The following STXBP6 variants were observed in gnomAD, a reference collection of about 807,000 sequenced individuals.
The protein encoded by STXBP6 is syntaxin-binding protein 6.
In STXBP6, 21 loss-of-function variants were observed where a neutral mutation model predicts 26.9. The ratio of observed to expected loss-of-function variants is 0.78; its 90% CI spans 0.55 to 1.12. The LOEUF (loss-of-function observed/expected upper bound fraction) is 1.12. Ranked by LOEUF, STXBP6 falls within the 50% of genes most tolerant of loss-of-function variation. The pLI, the probability that STXBP6 is intolerant of heterozygous loss-of-function variation, is 0.00. For synonymous variants in STXBP6, 97 were observed against 92.6 expected (o/e 1.05, Z -0.27); for missense variants, 232 against 257.9 (o/e 0.90, Z 0.69).
intron 1 of STXBP6, among the ~76,000 whole-genome samples, chr14:25,002,037 A>G (rs1226691248): frequency 6.6e-6 from 1 of 152,230 alleles, no homozygotes; most frequent in Non-Finnish European, 1.5e-5. Flanking sequence ...TTAAGCCACT[A>G]TGAAATATGG....
intron 2 of STXBP6, among the ~76,000 whole-genome samples, chr14:24,957,281 G>A (rs1291459045): frequency 6.6e-6 from 1 of 152,194 alleles, no homozygotes; most frequent in Non-Finnish European, 1.5e-5. Context: ...ACACTTGTAA[G>A]CATCTAGCCT....
At chr14:24,851,413 G>C (rs2069151253) in intron 4 of STXBP6, among the ~76,000 whole-genome samples, 1 of 131,866 alleles carries the variant, frequency 7.6e-6, no homozygotes, top group African/African-American at 2.9e-5. Context: ...ACAGGCCCCG[G>C]TGTGTGATGT....
chr14:24,819,194 C>T lies in STXBP6; in HGVS notation c.452G>A (p.Gly151Glu), dbSNP rs538120087. The part of the protein sequence containing the change: ...FINCQSKIMG[G>E]NSILHSAADS... ...AGCAGCTGAATGGAGGATGCTGTTT[C>T]CTGAAAGGAGGAGAGCAGGAGCATC... is the stretch of plus-strand genomic sequence containing the variant. The change falls in exon 5 of 6, where the codon GGA (glycine) becomes GAA (glutamate). Residue 151 changes from glycine to glutamate, a missense_variant and splice_region_variant. By Grantham distance (98) the Gly-to-Glu change is moderately conservative (BLOSUM62 -2). Transcript: ENST00000323944. 6.2e-7 allele frequency: 1 copy of T among 1,614,014 alleles called. No individual in the cohort carries two copies. The highest frequency in any genetic ancestry group is 1.1e-5 in the South Asian group (1 of 91,076).
intron 4 of STXBP6, among the ~76,000 whole-genome samples, chr14:24,828,642 T>C (rs1338297141): frequency 6.6e-6 from 1 of 152,174 alleles, no homozygotes; most frequent in African/African-American, 2.4e-5. Context: ...TGAGCATTAA[T>C]GGTCAAACAT....
chr14:24,892,378 T>C (rs1320510571), intron 2 of STXBP6, among the ~76,000 whole-genome samples: 1 of 152,142 alleles, frequency 6.6e-6, no homozygotes, highest in African/African-American at 2.4e-5. Flanking sequence ...AATTGATGTA[T>C]CTAGCGAGCT....
intron 2 of STXBP6, among the ~76,000 whole-genome samples, chr14:24,931,737 C>T (rs1595135819): frequency 6.6e-6 from 1 of 152,156 alleles, no homozygotes; most frequent in East Asian, 1.9e-4. Flanking sequence ...ATGCACATTA[C>T]CCAAGGCTGG....
At chr14:24,822,617 G>A (rs181988253) in intron 4 of STXBP6, among the ~76,000 whole-genome samples, 1 of 152,246 alleles carries the variant, frequency 6.6e-6, no homozygotes, top group African/African-American at 2.4e-5. Context: ...CGTGCCTACT[G>A]TGGAGATGAA....
At chr14:24,873,809 G>A (rs554714402) in intron 2 of STXBP6, among the ~76,000 whole-genome samples, 2 of 152,264 alleles carry the variant, frequency 1.3e-5, no homozygotes, top group East Asian at 1.9e-4. Flanking sequence ...GAACAATGAG[G>A]GTGTAGGACA....
rs2075775209 is a variant in STXBP6, at chr14:25,049,658, T to A, written c.-33+220A>T. ...GGAGAGAACCAGGGACACGAGTCCC[T>A]CTCTGCGCGCACAAAGCAGCTGCGC... is the stretch of plus-strand genomic sequence containing the variant. On this transcript the variant is annotated intron_variant, in intron 1 of 5. Coordinates refer to ENST00000323944, the MANE Select transcript of STXBP6 (RefSeq NM_001394410.1). The surrounding 1 kb of genome is among the most constrained non-coding windows in gnomAD (Gnocchi z 5.6). The A allele has an allele frequency of 2.0e-6, 2 of 985,366 alleles. No individual in the cohort carries two copies. The highest frequency in any genetic ancestry group is 2.4e-6 in the Non-Finnish European group (2 of 830,014). 61.0% of individuals were successfully genotyped at this position (985,366 alleles called of 1,614,324 possible). A position where few individuals can be genotyped will look rare whatever the true frequency, so the allele number is the denominator to read the frequency against.
intron 4 of STXBP6, among the ~76,000 whole-genome samples, chr14:24,834,327 G>A (rs1038249190): frequency 2.6e-5 from 4 of 152,092 alleles, no homozygotes; most frequent in Non-Finnish European, 5.9e-5. Context: ...TTCTGTCTCT[G>A]GCCAACTTAC....
At chr14:24,898,114 A>C (rs1397566063) in intron 2 of STXBP6, among the ~76,000 whole-genome samples, 2 of 152,204 alleles carry the variant, frequency 1.3e-5, no homozygotes, top group Non-Finnish European at 2.9e-5. Flanking sequence ...ACCACAGATG[A>C]GGAAACTGAG....
At chr14:25,044,333 G>A (rs1364711350) in intron 1 of STXBP6, among the ~76,000 whole-genome samples, 1 of 152,032 alleles carries the variant, frequency 6.6e-6, no homozygotes, top group Non-Finnish European at 1.5e-5. Context: ...TTCCCAAGTG[G>A]CTGTTCGGTT....
At chr14:24,973,082 C>T (rs896147031) in intron 2 of STXBP6, among the ~76,000 whole-genome samples, 1 of 151,734 alleles carries the variant, frequency 6.6e-6, no homozygotes, top group Non-Finnish European at 1.5e-5. Flanking sequence ...TGTGCTACTA[C>T]ACTCCAGCCT....
intron 4 of STXBP6, among the ~76,000 whole-genome samples, chr14:24,843,507 C>T (rs1298626083): frequency 2.0e-5 from 3 of 152,120 alleles, no homozygotes; most frequent in Non-Finnish European, 2.9e-5. Context: ...TGAGTGCTCA[C>T]GATGTTCCGT....
intron 2 of STXBP6, among the ~76,000 whole-genome samples, chr14:24,947,338 T>C (rs1457201504): frequency 6.6e-6 from 1 of 152,160 alleles, no homozygotes; most frequent in Non-Finnish European, 1.5e-5. Flanking sequence ...GGAACACAGA[T>C]GGCATTTTGA....
intron 2 of STXBP6, among the ~76,000 whole-genome samples, chr14:24,939,607 C>A (rs2072730807): frequency 6.6e-6 from 1 of 152,106 alleles, no homozygotes; most frequent in Non-Finnish European, 1.5e-5. Context: ...ATGTATACTT[C>A]ACATGTACTG....
At chr14:24,902,524 T>C (rs1159500198) in intron 2 of STXBP6, among the ~76,000 whole-genome samples, 2 of 152,164 alleles carry the variant, frequency 1.3e-5, no homozygotes, top group Non-Finnish European at 2.9e-5. Flanking sequence ...AACCTAAGAA[T>C]GAGGACCACC....
chr14:24,810,692 A>C lies in STXBP6; in HGVS notation c.*2017T>G, dbSNP rs2138638685. 1 of 152,322 alleles carries C rather than the reference A, an allele frequency of 6.6e-6. No homozygotes were observed. The highest frequency in any genetic ancestry group is 2.1e-4 in the South Asian group (1 of 4,828). 9.4% of individuals were successfully genotyped at this position (152,322 alleles called of 1,614,324 possible). On this transcript the variant is annotated 3_prime_UTR_variant, in exon 6 of 6. Transcript: ENST00000323944. ...GGTTTCACAGTATGCTTATGACCTC[A>C]TCCTCAGCTACTTTGGAATCAGCTT...
At chr14:25,002,851 C>T (rs372320770) in intron 1 of STXBP6, among the ~76,000 whole-genome samples, 18 of 152,136 alleles carry the variant, frequency 1.2e-4, no homozygotes, top group African/African-American at 4.3e-4. Context: ...CTCAGCCTTC[C>T]AAGTAGCTGG....
Sources: allele counts gnomAD v4.1 joint callset (sites outside exome capture counted in the v4.1 genomes callset), GRCh38; gene constraint gnomAD v4.1.1; non-coding constraint Gnocchi (gnomAD v3.1); transcripts MANE v1.5; gene names NCBI Gene and HGNC (gene_info 2026-07-23, HGNC 2026-07-21).